Variants in MYO6 observed in about 807,000 individuals in gnomAD.
MYO6 encodes the protein myosin VI, also known as unconventional myosin-VI.
Under a neutral mutation model 178.7 loss-of-function variants are expected in MYO6, and 74 were observed. The ratio of observed to expected loss-of-function variants is 0.41; its 90% confidence interval spans 0.34 to 0.50. The LOEUF is 0.50. Ranked by LOEUF, MYO6 falls within the 20% of genes least tolerant of loss-of-function variation. MYO6 has a pLI of 0.09. For missense variants in MYO6, 1,330 were observed against 1,547.4 expected (o/e 0.86, Z 2.36); for synonymous variants, 477 against 504.6 (o/e 0.95, Z 0.73).
chr6:75,772,578 G>C (rs1208955866), intron 1 of MYO6, among the ~76,000 whole-genome samples: 1 of 152,230 alleles, frequency 6.6e-6, no homozygotes, highest in Non-Finnish European at 1.5e-5. Context: ...TGAGCATCCA[G>C]ATACTACAAG....
At chr6:75,850,273 AAAG>A (rs1331244761) in intron 11 of MYO6, among the ~76,000 whole-genome samples, 7 of 151,992 alleles carry the variant, frequency 4.6e-5, no homozygotes, top group South Asian at 2.1e-4. Flanking sequence ...ACAGGAAAAA[AAAG>A]AAGATTAAAA....
chr6:75,909,231 A>G (rs1165537713), intron 32 of MYO6, among the ~76,000 whole-genome samples: 1 of 152,162 alleles, frequency 6.6e-6, no homozygotes, highest in Non-Finnish European at 1.5e-5. Flanking sequence ...CAGTTTTTAG[A>G]AATAGTTCCC....
intron 16 of MYO6, among the ~76,000 whole-genome samples, chr6:75,863,617 C>T (rs1035593583): frequency 6.6e-6 from 1 of 151,994 alleles, no homozygotes; most frequent in Non-Finnish European, 1.5e-5. Flanking sequence ...TCCTGAGTAA[C>T]TGGGATTATA....
chr6:75,808,899 G>A (rs951420567), intron 1 of MYO6, among the ~76,000 whole-genome samples: 45 of 152,286 alleles, frequency 3.0e-4, no homozygotes, highest in African/African-American at 1.1e-3. Context: ...ATCATAGGTA[G>A]ATAAGAGACA....
intron 1 of MYO6, among the ~76,000 whole-genome samples, chr6:75,770,972 A>G (rs1003742524): frequency 2.0e-5 from 3 of 151,900 alleles, no homozygotes; most frequent in African/African-American, 7.3e-5. Flanking sequence ...ACACATGTGT[A>G]AGCTATAAGA....
At chr6:75,858,686 A>T (rs1775940030) in intron 13 of MYO6, among the ~76,000 whole-genome samples, 2 of 152,290 alleles carry the variant, frequency 1.3e-5, no homozygotes, top group South Asian at 4.1e-4. Flanking sequence ...GAAACACCTT[A>T]TTTGTCAACT....
chr6:75,764,483 A>G (rs1303826890), intron 1 of MYO6, among the ~76,000 whole-genome samples: 2 of 152,038 alleles, frequency 1.3e-5, no homozygotes, highest in Non-Finnish European at 2.9e-5. Flanking sequence ...TTGGAATTAC[A>G]CTGGTATTAT....
At chr6:75,885,693 G>A (rs1018462255) in intron 23 of MYO6, among the ~76,000 whole-genome samples, 1 of 151,998 alleles carries the variant, frequency 6.6e-6, no homozygotes, top group African/African-American at 2.4e-5. Flanking sequence ...CGATCCGCCC[G>A]CCTTGGCCTC....
chr6:75,825,524 C>T (rs564625395), intron 3 of MYO6, among the ~76,000 whole-genome samples: 5 of 152,186 alleles, frequency 3.3e-5, no homozygotes, highest in African/African-American at 4.8e-5. Context: ...ACCCAGGAGG[C>T]GGAGATTGCA....
At chr6:75,781,972 A>G (rs568158315) in intron 1 of MYO6, among the ~76,000 whole-genome samples, 85 of 149,002 alleles carry the variant, frequency 5.7e-4, no homozygotes, top group African/African-American at 2.0e-3. Flanking sequence ...GTGGCGTGTC[A>G]CCTAAACCAC....
intron 6 of MYO6, among the ~76,000 whole-genome samples, chr6:75,833,997 G>T (rs936440404): frequency 1.3e-5 from 2 of 152,136 alleles, no homozygotes; most frequent in Admixed American, 1.3e-4. Context: ...GAGGATACTG[G>T]TACTGGTTAG....
Position 75,791,754 on chromosome 6 carries a change from GT to G in MYO6, c.-47-25743del, listed in dbSNP as rs550729565. 2.5e-4 allele frequency among the ~76,000 whole-genome samples: 38 copies of G among 152,262 alleles called. No individual in the cohort carries two copies. In the South Asian group the frequency reaches 7.7e-3, roughly 31 times the overall value. On this transcript the variant is annotated intron_variant, in intron 1 of 34. Coordinates refer to ENST00000369977, the MANE Select transcript of MYO6 (RefSeq NM_004999.4). ...AAATTGTTACTATTTATTTGTGAAC[GT>G]TTTAAAATTGTTTAACTTGAACAAT...
At chr6:75,887,105 G>A in intron 25 of MYO6, 111 bp downstream of exon 25, 3 of 993,090 alleles carry the variant, frequency 3.0e-6, no homozygotes, top group South Asian at 1.5e-5. Context: ...ATTACAAAAT[G>A]TGTTGAGACT....
intron 25 of MYO6, among the ~76,000 whole-genome samples, chr6:75,887,439 C>G (rs1370224845): frequency 2.0e-5 from 3 of 147,432 alleles, no homozygotes; most frequent in African/African-American, 7.5e-5. Flanking sequence ...GTCAGGAGAT[C>G]GAGACCATCA....
At chr6:75,894,892 A>G (rs1779177263) in intron 28 of MYO6, 5 of 1,174,666 alleles carry the variant, frequency 4.3e-6, no homozygotes, top group African/African-American at 1.6e-5. Context: ...AATTTCAATC[A>G]ATTACACATA....
At chr6:75,841,097 A>G in intron 8 of MYO6, 117 bp from the exon 9 acceptor site, 1 of 1,023,416 alleles carries the variant, frequency 9.8e-7, no homozygotes, top group South Asian at 1.4e-5. Flanking sequence ...TTTGGTGAAT[A>G]TTATAACCTC....
At chr6:75,835,383 G>C (rs779840463) in intron 6 of MYO6, among the ~76,000 whole-genome samples, 3 of 152,002 alleles carry the variant, frequency 2.0e-5, no homozygotes, top group Non-Finnish European at 4.4e-5. Flanking sequence ...CAGAGGTTTG[G>C]GGTGTGAATG....
chr6:75,826,642 A>G (rs544153824), intron 3 of MYO6, among the ~76,000 whole-genome samples: 2 of 152,260 alleles, frequency 1.3e-5, no homozygotes, highest in South Asian at 4.1e-4. Context: ...GGATATAGAA[A>G]GGTAGGTGAC....
At chr6:75,899,152 G>A (rs900360464) in intron 30 of MYO6, among the ~76,000 whole-genome samples, 3 of 152,082 alleles carry the variant, frequency 2.0e-5, no homozygotes, top group Non-Finnish European at 4.4e-5. Flanking sequence ...TGGATGCTAT[G>A]TTTTTTAGTA....
Sources: allele counts gnomAD v4.1 joint callset (sites outside exome capture counted in the v4.1 genomes callset), GRCh38; gene constraint gnomAD v4.1.1; transcripts MANE v1.5; gene names NCBI Gene and HGNC (gene_info 2026-07-23, HGNC 2026-07-21).